Variants in CACNA2D1 observed in about 807,000 individuals in gnomAD.
The protein encoded by CACNA2D1 is calcium voltage-gated channel auxiliary subunit alpha2delta 1.
In CACNA2D1, 53 loss-of-function variants were observed where a neutral mutation model predicts 171.5. The ratio of observed to expected loss-of-function variants is 0.31; its 90% confidence interval spans 0.25 to 0.39. The LOEUF (loss-of-function observed/expected upper bound fraction) is 0.39, where lower values mean the gene tolerates loss of function less well. CACNA2D1 is among the 10% of genes least tolerant of loss of function. The pLI is 1.00. For synonymous variants in CACNA2D1, 442 were observed against 443.1 expected, an observed-to-expected ratio of 1.00 and a Z score of 0.03; for missense variants, 903 against 1,299.8, an observed-to-expected ratio of 0.69 and a Z score of 4.69.
chr7:82,299,581 A>G (rs564480052), intron 3 of CACNA2D1, among the ~76,000 whole-genome samples: 2 of 151,820 alleles, frequency 1.3e-5, no homozygotes, highest in South Asian at 4.2e-4. Context: ...GATCACTTGA[A>G]CCTGGGAGGC....
intron 2 of CACNA2D1, among the ~76,000 whole-genome samples, chr7:82,341,183 G>A (rs1818583368): frequency 6.6e-6 from 1 of 152,144 alleles, no homozygotes; most frequent in South Asian, 2.1e-4. Context: ...ATGATATAAT[G>A]TACTTTCTCG....
At chr7:82,137,413 G>A (rs147653127) in intron 4 of CACNA2D1, among the ~76,000 whole-genome samples, 147 of 152,212 alleles carry the variant, frequency 9.7e-4, no homozygotes, top group African/African-American at 3.4e-3. Context: ...TGTCTCTGAG[G>A]CTAGTTCTAT....
At chr7:82,441,884 T>G (rs1356480332) in intron 1 of CACNA2D1, among the ~76,000 whole-genome samples, 6 of 152,202 alleles carry the variant, frequency 3.9e-5, no homozygotes, top group Non-Finnish European at 8.8e-5. Context: ...TAAATGGAAG[T>G]GTGATGCCTT....
At chr7:82,302,757 C>A (rs1813190307) in intron 3 of CACNA2D1, among the ~76,000 whole-genome samples, 2 of 152,036 alleles carry the variant, frequency 1.3e-5, no homozygotes, top group Admixed American at 1.3e-4. Context: ...AAGCAATAAT[C>A]CTGAATTTCA....
At chr7:82,117,957 A>T (rs970952778) in intron 5 of CACNA2D1, among the ~76,000 whole-genome samples, 23 of 152,304 alleles carry the variant, frequency 1.5e-4, no homozygotes, top group South Asian at 1.5e-3. Flanking sequence ...ACGTGACAGA[A>T]ATAATATGGC....
At chr7:82,319,104 T>C (rs1396496478) in intron 3 of CACNA2D1, among the ~76,000 whole-genome samples, 1 of 152,222 alleles carries the variant, frequency 6.6e-6, no homozygotes, top group Non-Finnish European at 1.5e-5. Context: ...TAGAAGTATG[T>C]TGAAAGGATT....
At chr7:82,119,029 T>C (rs969309670) in intron 5 of CACNA2D1, among the ~76,000 whole-genome samples, 2 of 152,102 alleles carry the variant, frequency 1.3e-5, no homozygotes, top group African/African-American at 4.8e-5. Flanking sequence ...ATATTTTTAA[T>C]TGAAATACAG....
intron 2 of CACNA2D1, among the ~76,000 whole-genome samples, chr7:82,347,144 G>A (rs553431231): frequency 2.0e-5 from 3 of 152,216 alleles, no homozygotes; most frequent in Non-Finnish European, 2.9e-5. Flanking sequence ...AGACAGGCAG[G>A]TAACCTGGGA....
chr7:81,959,709 T>A lies in CACNA2D1; in HGVS notation c.3076+11A>T. On this transcript the variant is annotated intron_variant, in intron 37 of 38. Transcript: ENST00000356860. ...TTTTCCTTTCCAGATAGCTCTGATGTCAAAGGATACAAGTCTGCTCCGCTT... is the reference window on the plus strand; with the variant it reads ...TTTTCCTTTCCAGATAGCTCTGATGACAAAGGATACAAGTCTGCTCCGCTT... 1 of 1,610,410 alleles carries A rather than the reference T, an allele frequency of 6.2e-7. No homozygotes were observed. The highest frequency in any genetic ancestry group is 8.5e-7 in the Non-Finnish European group (1 of 1,177,684).
At chr7:82,434,998 C>T (rs1376202690) in intron 1 of CACNA2D1, among the ~76,000 whole-genome samples, 1 of 147,890 alleles carries the variant, frequency 6.8e-6, no homozygotes, top group African/African-American at 2.5e-5. Context: ...AAGTATTGCT[C>T]TCTGAATTTG....
intron 15 of CACNA2D1, among the ~76,000 whole-genome samples, chr7:82,008,851 G>A (rs970091229): frequency 6.6e-6 from 1 of 152,012 alleles, no homozygotes. Context: ...GCACATAGGA[G>A]GCCCAAATTC....
intron 10 of CACNA2D1, among the ~76,000 whole-genome samples, chr7:82,038,883 C>T (rs186926582): frequency 6.6e-6 from 1 of 152,238 alleles, no homozygotes; most frequent in African/African-American, 2.4e-5. Context: ...ACATCAACTC[C>T]AACGATAACT....
At chr7:82,360,820 T>C (rs979217240) in intron 1 of CACNA2D1, among the ~76,000 whole-genome samples, 32 of 152,196 alleles carry the variant, frequency 2.1e-4, no homozygotes, top group African/African-American at 7.7e-4. Flanking sequence ...CATAGTGTAA[T>C]TTGCTGACAG....
At chr7:82,135,945 C>A (rs1791551595) in intron 5 of CACNA2D1, among the ~76,000 whole-genome samples, 1 of 151,962 alleles carries the variant, frequency 6.6e-6, no homozygotes, top group South Asian at 2.1e-4. Context: ...ATCTAAGAGT[C>A]AAATACAAGA....
At chr7:81,984,853 C>T (rs1051148307) in intron 21 of CACNA2D1, 142 bp from the exon 22 acceptor site, 4 of 656,854 alleles carry the variant, frequency 6.1e-6, no homozygotes, top group Non-Finnish European at 5.5e-6. Flanking sequence ...CAAGAAAATG[C>T]ATTCAGCAAA....
At chr7:82,422,560 A>G (rs975316399) in intron 1 of CACNA2D1, among the ~76,000 whole-genome samples, 1 of 152,142 alleles carries the variant, frequency 6.6e-6, no homozygotes, top group Non-Finnish European at 1.5e-5. Context: ...GACCTACTGG[A>G]AAGCAGAATA....
intron 3 of CACNA2D1, among the ~76,000 whole-genome samples, chr7:82,216,030 TCTAA>T (rs1271583391): frequency 6.6e-6 from 1 of 152,170 alleles, no homozygotes; most frequent in Non-Finnish European, 1.5e-5. Context: ...TCATTTTGCC[TCTAA>T]CTGAGATCTT....
chr7:81,982,598 C>G lies in CACNA2D1; in HGVS notation c.1924G>C (p.Glu642Gln), dbSNP rs775481386. 4.4e-6 allele frequency: 7 copies of G among 1,608,912 alleles called. No homozygotes were observed. The East Asian group carries it at 1.1e-4, about 26-fold the overall frequency. ...GCTATGAATGTATAGCCAGATTCTT[C>G]AAAATTATCTGGCTTCAGGGTTTCC... ...DSETLKPDNF[E>Q]ESGYTFIAPR... is the part of the protein sequence containing the mutation. The change falls in exon 24 of 39, where the codon GAA becomes CAA. Residue 642 changes from glutamate (E) to glutamine (Q), a missense_variant. Transcript: ENST00000356860.
At chr7:81,997,297 G>C in intron 18 of CACNA2D1, 47 bp from the exon 19 acceptor site, 1 of 1,184,614 alleles carries the variant, frequency 8.4e-7, no homozygotes, top group Non-Finnish European at 1.3e-6. Flanking sequence ...ATTATACAAT[G>C]ATGCTGTGTA....
Sources: gnomAD v4.1 joint callset for allele counts (sites outside exome capture counted in the v4.1 genomes callset) on GRCh38, gnomAD v4.1.1 for gene constraint, MANE v1.5 for transcripts, NCBI Gene and HGNC (gene_info 2026-07-23, HGNC 2026-07-21) for gene names.